Variants in DYM observed in about 807,000 individuals in gnomAD.
DYM encodes dymeclin.
In DYM, 78 loss-of-function variants were observed where a neutral mutation model predicts 93.1. That is an observed-to-expected ratio of 0.84 (90% CI 0.70 to 1.01). DYM has a LOEUF of 1.01. DYM is among the 50% of genes least tolerant of loss of function. The pLI, the probability that DYM is intolerant of heterozygous loss-of-function variation, is 0.00. For synonymous variants in DYM, 321 were observed against 319.7 expected, an observed-to-expected ratio of 1.00 and a Z score of -0.04; for missense variants, 789 against 845.0, an observed-to-expected ratio of 0.93 and a Z score of 0.82.
chr18:49,455,871 C>A (rs937282579), intron 1 of DYM, among the ~76,000 whole-genome samples: 1 of 151,884 alleles, frequency 6.6e-6, no homozygotes, highest in Admixed American at 6.6e-5. Context: ...ATCACTTGAA[C>A]CTGGGAGGCA....
At chr18:49,327,438 C>A (rs139692892) in intron 8 of DYM, among the ~76,000 whole-genome samples, 9 of 151,994 alleles carry the variant, frequency 5.9e-5, no homozygotes, top group African/African-American at 2.2e-4. Flanking sequence ...CACACTGCAG[C>A]CTCGACCTTC....
At chr18:49,118,686 C>T (rs2082123008) in intron 16 of DYM, 58 bp downstream of exon 16, 1 of 1,487,752 alleles carries the variant, frequency 6.7e-7, no homozygotes, top group Non-Finnish European at 9.4e-7. Flanking sequence ...GCTTATTAAA[C>T]ATTCTCTGCT....
rs1166371029 is a variant in DYM, at chr18:49,290,411, A to G, written c.764-3795T>C. 2.6e-5 allele frequency among the ~76,000 whole-genome samples: 4 copies of G among 152,140 alleles called. No individual in the cohort carries two copies. In the East Asian group the frequency reaches 7.7e-4, roughly 29 times the overall value. ...ACAAAGTATACATCACACTGCAAAC[A>G]GAGATTATCTCTAGAGGATGAAGTG... On this transcript the variant is annotated intron_variant, in intron 8 of 17. Transcript: ENST00000675505.
chr18:49,396,533 GAGC>G (rs1292059916), intron 2 of DYM, among the ~76,000 whole-genome samples: 1 of 152,134 alleles, frequency 6.6e-6, no homozygotes, highest in Non-Finnish European at 1.5e-5. Context: ...TTGGATTTTA[GAGC>G]ATTCTGGATT....
intron 17 of DYM, among the ~76,000 whole-genome samples, chr18:49,085,164 G>A (rs2078398419): frequency 6.6e-6 from 1 of 152,156 alleles, no homozygotes; most frequent in African/African-American, 2.4e-5. Context: ...TTACTCTTAT[G>A]ACTCAATAAA....
intron 13 of DYM, among the ~76,000 whole-genome samples, chr18:49,244,408 G>C (rs971913108): frequency 2.0e-5 from 3 of 152,144 alleles, no homozygotes; most frequent in African/African-American, 7.2e-5. Context: ...CACATGTTTA[G>C]AAAGACTGGC....
At chr18:49,095,563 C>T (rs1449684559) in intron 17 of DYM, among the ~76,000 whole-genome samples, 2 of 151,472 alleles carry the variant, frequency 1.3e-5, no homozygotes, top group Non-Finnish European at 2.9e-5. Context: ...TGTTCCAGAA[C>T]CAAATTAACT....
intron 17 of DYM, among the ~76,000 whole-genome samples, chr18:49,066,386 A>G (rs79114336): frequency 0.062 from 9,479 of 152,210 alleles, 423 homozygotes; most frequent in Middle Eastern, 0.11. Flanking sequence ...AACCTTCTGT[A>G]TTTGGATTCT....
intron 13 of DYM, among the ~76,000 whole-genome samples, chr18:49,254,131 C>G (rs1296502664): frequency 6.6e-6 from 1 of 151,972 alleles, no homozygotes; most frequent in Non-Finnish European, 1.5e-5. Context: ...TTTCTGTAGC[C>G]ACCCTGCTTA....
intron 8 of DYM, among the ~76,000 whole-genome samples, chr18:49,315,140 G>A (rs769437151): frequency 1.3e-4 from 19 of 151,656 alleles, no homozygotes; most frequent in African/African-American, 4.8e-5. Flanking sequence ...GCTTAAGCCC[G>A]AGAGGCGGAG....
intron 8 of DYM, among the ~76,000 whole-genome samples, chr18:49,328,554 C>T (rs1470193069): frequency 6.6e-6 from 1 of 152,090 alleles, no homozygotes; most frequent in Non-Finnish European, 1.5e-5. Context: ...GGCTAATATC[C>T]ACAATCTACA....
intron 17 of DYM, among the ~76,000 whole-genome samples, chr18:49,088,984 G>T (rs1371888069): frequency 6.6e-6 from 1 of 152,128 alleles, no homozygotes; most frequent in Admixed American, 6.5e-5. Context: ...TTTTAGTAGA[G>T]ATGAGGTCTT....
chr18:49,170,280 C>G (rs111740024), intron 14 of DYM, among the ~76,000 whole-genome samples: 2,268 of 152,192 alleles, frequency 0.015, 56 homozygotes, highest in African/African-American at 0.052. Flanking sequence ...ATTGCTGGCT[C>G]TAGAATCTGT....
intron 15 of DYM, among the ~76,000 whole-genome samples, chr18:49,160,918 T>C (rs142528277): frequency 1.4e-3 from 206 of 152,300 alleles, no homozygotes; most frequent in Non-Finnish European, 2.1e-3. Context: ...TGCTGTTTGT[T>C]TAATCACCTT....
chr18:49,395,939 T>C (rs979031253), intron 2 of DYM, among the ~76,000 whole-genome samples: 7 of 152,196 alleles, frequency 4.6e-5, no homozygotes, highest in African/African-American at 1.7e-4. Flanking sequence ...AGATCCCTTA[T>C]GAACAGACTG....
At chr18:49,369,818 G>A (rs1008222479) in intron 5 of DYM, among the ~76,000 whole-genome samples, 1 of 152,108 alleles carries the variant, frequency 6.6e-6, no homozygotes, top group South Asian at 2.1e-4. Context: ...TGGCTTTGTC[G>A]AGTCCCTGTC....
intron 6 of DYM, among the ~76,000 whole-genome samples, chr18:49,335,103 A>C (rs1317018696): frequency 6.6e-6 from 1 of 152,136 alleles, no homozygotes; most frequent in Non-Finnish European, 1.5e-5. Flanking sequence ...GCGAAACTCC[A>C]TCTCAAAAAC....
chr18:49,127,594 A>C (rs918030591), intron 15 of DYM, among the ~76,000 whole-genome samples: 2 of 152,190 alleles, frequency 1.3e-5, no homozygotes, highest in African/African-American at 4.8e-5. Context: ...GATTTTGCCA[A>C]AAGTGGGGAG....
chr18:49,265,820 G>A (rs2094561238), intron 11 of DYM, among the ~76,000 whole-genome samples: 2 of 149,784 alleles, frequency 1.3e-5, no homozygotes, highest in South Asian at 4.2e-4. Context: ...AGAAAATACT[G>A]AAAACAAAAG....
Sources: gnomAD v4.1 joint callset for allele counts (sites outside exome capture counted in the v4.1 genomes callset) on GRCh38, gnomAD v4.1.1 for gene constraint, MANE v1.5 for transcripts, NCBI Gene and HGNC (gene_info 2026-07-23, HGNC 2026-07-21) for gene names.